HCFC1: variants seen among roughly 807,000 people sequenced by gnomAD.
The protein encoded by HCFC1 is host cell factor 1.
A neutral mutation model predicts 105.5 loss-of-function variants in HCFC1; 7 were observed. The ratio of observed to expected loss-of-function variants is 0.07; its 90% CI spans 0.04 to 0.12. The LOEUF (loss-of-function observed/expected upper bound fraction) is 0.12, where lower values mean the gene tolerates loss of function less well. Among genes scored for constraint, HCFC1 ranks in the 10% least tolerant of loss-of-function variants. HCFC1 has a pLI of 1.00. For missense variants in HCFC1, 1,065 were observed against 1,823.6 expected (o/e 0.58, Z 7.58); for synonymous variants, 918 against 828.1 (o/e 1.11, Z -1.86).
chrX:153,961,409 G>C (rs1211067145), intron 6 of HCFC1, 133 bp downstream of exon 6: 4 of 454,480 alleles, frequency 8.8e-6, no homozygotes, highest in Non-Finnish European at 1.5e-5. Context: ...CTGCCCACTG[G>C]ATCCTTCCAG....
At position 153,947,654 on chromosome X, in the gene HCFC1, G is replaced by A. The variant is rs2065268035; in HGVS notation, c.*1693C>T. 1 of 112,201 alleles carries A rather than the reference G, an allele frequency of 8.9e-6. No homozygotes were observed. Among genetic ancestry groups the A allele is most frequent in the African/African-American group, 3.2e-5 (1 of 30,813 alleles). 9.2% of individuals were successfully genotyped at this position (112,201 alleles called of 1,213,427 possible). A position where few individuals can be genotyped will look rare whatever the true frequency, so the allele number is the denominator to read the frequency against. ...CAGGGGTTACTCTACAATAGTGAAC[G>A]GTGTACTCTCCTCAGAAACAAATCA... On this transcript the variant is annotated 3_prime_UTR_variant, in exon 26 of 26. Coordinates refer to ENST00000310441, the MANE Select transcript of HCFC1 (RefSeq NM_005334.3).
intron 5 of HCFC1, 41 bp from the exon 6 acceptor site, chrX:153,961,689 T>A (rs782180790): frequency 1.2e-5 from 12 of 1,025,864 alleles, no homozygotes; most frequent in Middle Eastern, 2.5e-4. Flanking sequence ...ATTGTAGAGT[T>A]GGTGCCAAGC....
chrX:153,956,431 A>C lies in HCFC1; in HGVS notation c.2636-20T>G. 1 of 1,186,023 alleles carries C rather than the reference A, an allele frequency of 8.4e-7. No individual in the cohort carries two copies. The highest frequency in any genetic ancestry group is 1.1e-6 in the Non-Finnish European group (1 of 874,136). ...TGACACCTGAAGGAAAGGAGGCAAG[A>C]GTTGGGCCAAGGCTGCTGCTGTCTC... On this transcript the variant is annotated intron_variant, in intron 15 of 25. Coordinates refer to ENST00000310441, the MANE Select transcript of HCFC1 (RefSeq NM_005334.3).
Position 153,963,253 on chromosome X carries a change from C to T in HCFC1, c.684G>A (p.Arg228=), listed in dbSNP as rs781873669. Residue 228 remains arginine, a synonymous_variant, in exon 4 of 26, where the codon AGG becomes AGA. Transcript: ENST00000310441. The stretch of plus-strand genomic sequence containing the variant: ...TATCTAGGGTCCACAGGTCCCCCAG[C>T]CTGCAGCCACTCATCCCGCCGTAGA... ...LVIYGGMSGC[R]LGDLWTLDID... The T allele has an allele frequency of 2.5e-6, 3 of 1,210,262 alleles. No individual in the cohort carries two copies.
chrX:153,964,800 C>T (rs2065460091), intron 1 of HCFC1, 74 bp from the exon 2 acceptor site: 1 of 1,053,196 alleles, frequency 9.5e-7, no homozygotes, highest in Non-Finnish European at 1.2e-6. Flanking sequence ...ATGTGCCAGC[C>T]GTCAAGCTTG....
In HCFC1 at chrX:153,971,308, A is replaced by T; in HGVS notation, c.-468T>A. On this transcript the variant is annotated 5_prime_UTR_variant, in exon 1 of 26. The change creates a new upstream start codon in the 5' untranslated region. Transcript: ENST00000310441. Reference sequence around the variant, plus strand: ...CCGGGGCGGGTGGAAAGGAGCCACAAGCGCCGCGGTCGTCGCAGCCCCGCC... The same window carrying T: ...CCGGGGCGGGTGGAAAGGAGCCACATGCGCCGCGGTCGTCGCAGCCCCGCC... 3.3e-6 allele frequency: 1 copy of T among 299,018 alleles called. No homozygotes were observed. The highest frequency in any genetic ancestry group is 5.8e-6 in the Non-Finnish European group (1 of 170,988). The allele number at this position is 299,018 out of a possible 1,213,427, so 24.6% of individuals were successfully genotyped here. A position where few individuals can be genotyped will look rare whatever the true frequency, so the allele number is the denominator to read the frequency against.
rs2065329542 is a variant in HCFC1 at position 153,952,973 on chromosome X, C to T, written c.4498-15G>A. 8.7e-7 allele frequency: 1 copy of T among 1,154,887 alleles called. No homozygotes were observed. The highest frequency in any genetic ancestry group is 1.2e-6 in the Non-Finnish European group (1 of 860,948). ...TCCTCTGGGGGCTGCAGGATGTCAA[C>T]AGCAGAGAAGGGCATGTCAGAAGTT... is the stretch of plus-strand genomic sequence containing the variant. On this transcript the variant is annotated splice_polypyrimidine_tract_variant and intron_variant, in intron 18 of 25. Transcript: ENST00000310441.
At position 153,950,734 on chromosome X, in the gene HCFC1, G is replaced by GC. The variant is rs377247620; in HGVS notation, c.5703+78dup. 6,319 of 974,905 alleles carry GC rather than the reference G, an allele frequency of 6.5e-3. 19 individuals are homozygous for GC. The highest frequency in any genetic ancestry group is 0.01 in the African/African-American group (525 of 51,324). 80.3% of individuals were successfully genotyped at this position (974,905 alleles called of 1,213,427 possible). A position where few individuals can be genotyped will look rare whatever the true frequency, so the allele number is the denominator to read the frequency against. On this transcript the variant is annotated intron_variant, in intron 23 of 25. Transcript: ENST00000310441. ...GGGACTCAAAACCTAGCTCTCCTAT[G>GC]CCCCCCCCCGGCCACCTCATGTGCT...
rs1257371875 is a variant in HCFC1 at position 153,970,919 on chromosome X, C to G, written c.-79G>C. ...TCAATTCCTTTCACACACCCCCTTT[C>G]GTCTAAGGCAGCTCTCACGGAGAAG... On this transcript the variant is annotated 5_prime_UTR_variant, in exon 1 of 26. Transcript: ENST00000310441. The G allele has an allele frequency of 9.2e-6, 8 of 865,890 alleles. No homozygotes were observed. Among genetic ancestry groups the G allele is most frequent in the Non-Finnish European group, 1.1e-5 (7 of 634,906 alleles). The allele number at this position is 865,890 out of a possible 1,213,427, so 71.4% of individuals were successfully genotyped here. A position where few individuals can be genotyped will look rare whatever the true frequency, so the allele number is the denominator to read the frequency against.
chrX:153,949,695 A>C (rs2065291651), intron 24 of HCFC1, 79 bp from the exon 25 acceptor site: 1 of 924,508 alleles, frequency 1.1e-6, no homozygotes, highest in African/African-American at 1.9e-5. Context: ...GCCCGCCTGC[A>C]GAGTCTCTTG....
In HCFC1 at chrX:153,953,710, T is replaced by C. The variant is rs1557113359; in HGVS notation, c.4394A>G (p.Asn1465Ser). The C allele has an allele frequency of 5.0e-6, 6 of 1,210,648 alleles. No homozygotes were observed. The highest frequency in any genetic ancestry group is 4.5e-6 in the Non-Finnish European group (4 of 895,010). ...EVESTQGDSV[N>S]ITSSSAITTT... ...CGTGATGGCACTGGAGCTGGTGATG[T>C]TCACGCTGTCGCCCTGGGTGCTCTC... Residue 1465 changes from asparagine (N) to serine (S), a missense_variant, in exon 18 of 26, where the codon AAC becomes AGC. Physicochemically the swap from Asn to Ser is conservative, Grantham distance 46 (BLOSUM62 1). Around this residue, in one of 17 missense-constraint regions of HCFC1, gnomAD observed 546 missense variants for 599.9 expected, o/e 0.91. Transcript: ENST00000310441.
At position 153,954,803 on chromosome X, in the gene HCFC1, C is replaced by T. The variant is rs1273500868; in HGVS notation, c.3596G>A (p.Arg1199Gln). 1.5e-5 allele frequency: 18 copies of T among 1,163,907 alleles called. No individual in the cohort carries two copies. The Admixed American group carries it at 3.1e-4, about 20-fold the overall frequency. ...AGCAGGGCTGCGGCCCCCGGGCTCCCGTGCCATGCTCGGCCCAAGGAGTGG... is the reference window on the plus strand; with the variant it reads ...AGCAGGGCTGCGGCCCCCGGGCTCCTGTGCCATGCTCGGCCCAAGGAGTGG... The part of the protein sequence containing the change: ...AGPLLGPSMA[R>Q]EPGGRSPAFV... Residue 1199 changes from arginine to glutamine, a missense_variant, in exon 17 of 26, where the codon CGG becomes CAG. Transcript: ENST00000310441.
chrX:153,963,166 C>T, intron 4 of HCFC1, 59 bp downstream of exon 4: 1 of 957,307 alleles, frequency 1.0e-6, no homozygotes. Flanking sequence ...CCCACGGGGC[C>T]AGCCAAGAGG....
Position 153,971,115 on chromosome X carries a change from C to A in HCFC1, c.-275G>T. On this transcript the variant is annotated 5_prime_UTR_variant, in exon 1 of 26. Transcript: ENST00000310441. Reference sequence around the variant, plus strand: ...AGGCCGCTGAGTCCCGTCGCCCCGACTACTTGTCCGGGCGCTCCCGCTTAC... The same window carrying A: ...AGGCCGCTGAGTCCCGTCGCCCCGAATACTTGTCCGGGCGCTCCCGCTTAC... The A allele has an allele frequency of 2.9e-6, 1 of 342,937 alleles. No individual in the cohort carries two copies. The highest frequency in any genetic ancestry group is 4.7e-5 in the East Asian group (1 of 21,281). 28.3% of individuals were successfully genotyped at this position (342,937 alleles called of 1,213,427 possible). A position where few individuals can be genotyped will look rare whatever the true frequency, so the allele number is the denominator to read the frequency against.
At chrX:153,956,514 G>C (rs782353902) in intron 15 of HCFC1, 103 bp from the exon 16 acceptor site, 331 of 1,111,819 alleles carry the variant, frequency 3.0e-4, no homozygotes, top group Non-Finnish European at 4.0e-4. Flanking sequence ...TGCATAGAAG[G>C]CTCGGGAGAG....
At chrX:153,958,286 G>A in intron 10 of HCFC1, 37 bp from the exon 11 acceptor site, 1 of 1,098,376 alleles carries the variant, frequency 9.1e-7, no homozygotes, top group Non-Finnish European at 1.3e-6. Flanking sequence ...GCCAGGCAAA[G>A]AAAGCGATGG....
chrX:153,962,836 C>T (rs2065441980), intron 4 of HCFC1, among the ~76,000 whole-genome samples: 1 of 111,697 alleles, frequency 9.0e-6, no homozygotes, highest in Non-Finnish European at 1.9e-5. Context: ...TCCCCGAAGG[C>T]CTCACGGTTT....
At chrX:153,953,558 G>A (rs1557113255) in intron 18 of HCFC1, 49 bp downstream of exon 18, 7 of 1,158,838 alleles carry the variant, frequency 6.0e-6, no homozygotes, top group Non-Finnish European at 8.2e-6. Context: ...GGAACTGCAC[G>A]GGCGTAGGCC....
intron 11 of HCFC1, 52 bp downstream of exon 11, chrX:153,957,973 G>T: frequency 8.7e-7 from 1 of 1,155,391 alleles, no homozygotes; most frequent in Non-Finnish European, 1.2e-6. Flanking sequence ...CTGGCCCAGG[G>T]CGGCCATTCA....
Sources: gnomAD v4.1 joint callset for allele counts (sites outside exome capture counted in the v4.1 genomes callset) on GRCh38, gnomAD v4.1.1 for gene constraint, gnomAD v4.1.1 regional missense constraint, MANE v1.5 for transcripts, NCBI Gene and HGNC (gene_info 2026-07-23, HGNC 2026-07-21) for gene names.